The following PPM1H variants were observed in gnomAD, a reference collection of about 807,000 sequenced individuals.
The protein encoded by PPM1H is protein phosphatase 1H.
A neutral mutation model predicts 54.9 loss-of-function variants in PPM1H; 27 were observed. The observed-to-expected ratio is 0.49, with a 90% CI of 0.36 to 0.68. The LOEUF is 0.68. Among genes scored for constraint, PPM1H ranks in the 30% least tolerant of loss-of-function variants. PPM1H has a pLI of 0.00. For synonymous variants in PPM1H, 305 were observed against 270.8 expected, an observed-to-expected ratio of 1.13 and a Z score of -1.24; for missense variants, 596 against 667.8, an observed-to-expected ratio of 0.89 and a Z score of 1.19.
At chr12:62,825,748 G>T (rs1424128962) in intron 2 of PPM1H, among the ~76,000 whole-genome samples, 2 of 152,108 alleles carry the variant, frequency 1.3e-5, no homozygotes, top group Non-Finnish European at 2.9e-5. Context: ...TGTGGAGCAG[G>T]GGGAGGGATA....
intron 6 of PPM1H, among the ~76,000 whole-genome samples, chr12:62,711,871 G>C (rs574880669): frequency 1.9e-3 from 288 of 152,224 alleles, no homozygotes; most frequent in Middle Eastern, 3.4e-3. Flanking sequence ...GTCTGACAAA[G>C]CCTGTCTGTC....
At chr12:62,904,903 C>T (rs563455431) in intron 1 of PPM1H, among the ~76,000 whole-genome samples, 1 of 151,844 alleles carries the variant, frequency 6.6e-6, no homozygotes, top group East Asian at 1.9e-4. Context: ...TTTTTTTCAG[C>T]TCTGACCTAG....
chr12:62,669,888 A>T (rs1183758904), intron 8 of PPM1H, among the ~76,000 whole-genome samples: 2 of 149,588 alleles, frequency 1.3e-5, no homozygotes, highest in Admixed American at 1.3e-4. Flanking sequence ...GTGGTGAGCC[A>T]TGACTGTGCC....
intron 1 of PPM1H, among the ~76,000 whole-genome samples, chr12:62,834,157 A>G (rs901686041): frequency 2.0e-5 from 3 of 152,156 alleles, no homozygotes; most frequent in Non-Finnish European, 2.9e-5. Context: ...AAAGTTTGAC[A>G]ATTGTTGTCC....
chr12:62,876,331 T>C (rs1870167995), intron 1 of PPM1H, among the ~76,000 whole-genome samples: 1 of 152,164 alleles, frequency 6.6e-6, no homozygotes, highest in Non-Finnish European at 1.5e-5. Context: ...CACCCAGAGC[T>C]CTAGCAAACC....
intron 6 of PPM1H, among the ~76,000 whole-genome samples, chr12:62,706,570 A>G (rs1187555797): frequency 1.3e-5 from 2 of 152,262 alleles, no homozygotes; most frequent in Non-Finnish European, 2.9e-5. Flanking sequence ...AAAAACTTAC[A>G]TAATCCTCAC....
intron 1 of PPM1H, among the ~76,000 whole-genome samples, chr12:62,857,894 T>C (rs117699087): frequency 6.6e-6 from 1 of 152,322 alleles, no homozygotes; most frequent in East Asian, 1.9e-4. Context: ...ATGAGGGCAG[T>C]CATGCACCCA....
intron 2 of PPM1H, among the ~76,000 whole-genome samples, 168 bp downstream of exon 2, chr12:62,831,946 G>C (rs888496810): frequency 1.3e-5 from 2 of 151,744 alleles, no homozygotes; most frequent in Non-Finnish European, 1.5e-5. Flanking sequence ...GTCGCCTTCA[G>C]CTTGGTATGT....
intron 1 of PPM1H, among the ~76,000 whole-genome samples, chr12:62,896,316 T>TAC (rs767803698): frequency 7.9e-5 from 12 of 152,126 alleles, no homozygotes; most frequent in Non-Finnish European, 1.0e-4. Context: ...ACAGGCAACC[T>TAC]ACAGAATGGG....
chr12:62,803,402 T>C (rs1046476985), intron 2 of PPM1H, among the ~76,000 whole-genome samples: 12 of 152,200 alleles, frequency 7.9e-5, no homozygotes, highest in Non-Finnish European at 1.8e-4. Flanking sequence ...ACACATATGT[T>C]GTCAACTAAT....
chr12:62,894,831 G>C (rs1447940725), intron 1 of PPM1H, among the ~76,000 whole-genome samples: 1 of 152,158 alleles, frequency 6.6e-6, no homozygotes, highest in Non-Finnish European at 1.5e-5. Context: ...CAGGAGTTCA[G>C]ATTCAATAAA....
chr12:62,770,252 G>T (rs893855037), intron 4 of PPM1H, among the ~76,000 whole-genome samples: 1 of 152,008 alleles, frequency 6.6e-6, no homozygotes, highest in Non-Finnish European at 1.5e-5. Context: ...TACACACTTT[G>T]AATCATTTAA....
chr12:62,679,979 G>A (rs1302390322), intron 8 of PPM1H, among the ~76,000 whole-genome samples: 1 of 152,224 alleles, frequency 6.6e-6, no homozygotes, highest in Non-Finnish European at 1.5e-5. Context: ...GGAAGGCTGT[G>A]ATACAGTGTC....
At position 62,818,778 on chromosome 12, in the gene PPM1H, T is replaced by C. The variant is rs571934139; in HGVS notation, c.411+13336A>G. Among the ~76,000 whole-genome samples, 34 of 152,160 alleles carry C rather than the reference T, an allele frequency of 2.2e-4. No individual in the cohort carries two copies. The South Asian group carries it at 2.7e-3, about 12-fold the overall frequency. The stretch of plus-strand genomic sequence containing the variant: ...GAACGCCCTTCTCTACTATACTACA[T>C]ACCTGCTTCATCAAATATCTCAAAA... On this transcript the variant is annotated intron_variant, in intron 2 of 9. Coordinates refer to ENST00000228705, the MANE Select transcript of PPM1H (RefSeq NM_020700.2).
intron 1 of PPM1H, among the ~76,000 whole-genome samples, chr12:62,919,154 G>C (rs1456857477): frequency 6.6e-6 from 1 of 152,214 alleles, no homozygotes; most frequent in Non-Finnish European, 1.5e-5. Context: ...CGGGCAACTT[G>C]TAGCACTTTG....
intron 1 of PPM1H, among the ~76,000 whole-genome samples, chr12:62,907,053 A>T (rs537776340): frequency 1.3e-5 from 2 of 152,308 alleles, no homozygotes; most frequent in African/African-American, 4.8e-5. Context: ...ATCAAACAAG[A>T]TCGATCACCT....
intron 6 of PPM1H, among the ~76,000 whole-genome samples, chr12:62,716,704 A>G (rs1244555302): frequency 6.6e-6 from 1 of 152,078 alleles, no homozygotes; most frequent in African/African-American, 2.4e-5. Flanking sequence ...TTTAAAAAAA[A>G]TTTGTTATAG....
chr12:62,650,875 T>G (rs1473443655), intron 9 of PPM1H, among the ~76,000 whole-genome samples: 1 of 152,142 alleles, frequency 6.6e-6, no homozygotes, highest in African/African-American at 2.4e-5. Context: ...GGGATTACAA[T>G]TCGACATAAG....
At chr12:62,649,056 T>C (rs1311185908) in intron 9 of PPM1H, among the ~76,000 whole-genome samples, 1 of 152,230 alleles carries the variant, frequency 6.6e-6, no homozygotes, top group African/African-American at 2.4e-5. Flanking sequence ...TTTAGAGTTA[T>C]ATTGCTTTTG....
Sources: gnomAD v4.1 joint callset for allele counts (sites outside exome capture counted in the v4.1 genomes callset) on GRCh38, gnomAD v4.1.1 for gene constraint, MANE v1.5 for transcripts, NCBI Gene and HGNC (gene_info 2026-07-23, HGNC 2026-07-21) for gene names.